MARCHF1: variants seen among roughly 807,000 people sequenced by gnomAD.
MARCHF1 encodes the protein membrane associated ring-CH-type finger 1.
In MARCHF1, 40 loss-of-function variants were observed where a neutral mutation model predicts 54.2. The observed-to-expected ratio is 0.74, with a 90% confidence interval of 0.57 to 0.96. The LOEUF is 0.96. MARCHF1 is among the 40% of genes least tolerant of loss of function. The pLI is 0.00. For synonymous variants in MARCHF1, 236 were observed against 236.3 expected, an observed-to-expected ratio of 1.00 and a Z score of 0.01; for missense variants, 586 against 656.5, an observed-to-expected ratio of 0.89 and a Z score of 1.17.
At chr4:163,655,250 C>T (rs990930859) in intron 5 of MARCHF1, among the ~76,000 whole-genome samples, 8 of 151,518 alleles carry the variant, frequency 5.3e-5, no homozygotes, top group African/African-American at 1.9e-4. Context: ...TATTTCATGA[C>T]ATTTCGTACT....
rs543277709 is a variant in MARCHF1, at chr4:163,697,981, T to C, written c.162+2832A>G. ...AGCACTTGCTCGAAGCCATCACTGA[T>C]AGAAAAATATTAAGAACCCCATAAT... On this transcript the variant is annotated intron_variant, in intron 5 of 9. Coordinates refer to ENST00000514618, the MANE Select transcript of MARCHF1 (RefSeq NM_001394959.1). 1.8e-4 allele frequency among the ~76,000 whole-genome samples: 28 copies of C among 152,280 alleles called. No individual in the cohort carries two copies. The East Asian group carries it at 5.2e-3, about 28-fold the overall frequency.
At chr4:163,568,857 C>A (rs985545724) in intron 8 of MARCHF1, among the ~76,000 whole-genome samples, 4 of 152,086 alleles carry the variant, frequency 2.6e-5, no homozygotes, top group African/African-American at 7.2e-5. Context: ...AAGAATCCCA[C>A]AATGAACTGC....
chr4:163,742,658 T>TG (rs5863622), intron 4 of MARCHF1, among the ~76,000 whole-genome samples: 8 of 151,580 alleles, frequency 5.3e-5, no homozygotes, highest in Non-Finnish European at 1.2e-4. Flanking sequence ...TTTTATTTTT[T>TG]GTAGAGACAG....
chr4:164,012,939 G>A (rs1753454786), intron 2 of MARCHF1, among the ~76,000 whole-genome samples: 1 of 152,136 alleles, frequency 6.6e-6, no homozygotes, highest in Non-Finnish European at 1.5e-5. Flanking sequence ...AACAAGCCCA[G>A]ACTGTGAAGA....
At chr4:163,948,688 C>G (rs370370509) in intron 3 of MARCHF1, among the ~76,000 whole-genome samples, 1 of 103,408 alleles carries the variant, frequency 9.7e-6, no homozygotes, top group African/African-American at 3.1e-5. Context: ...GGAGTAAAGA[C>G]AAGAAGAAAA....
chr4:164,231,359 TA>T (rs750884608), intron 1 of MARCHF1, among the ~76,000 whole-genome samples: 5 of 152,278 alleles, frequency 3.3e-5, no homozygotes, highest in East Asian at 1.9e-4. Flanking sequence ...ATGGCCAATT[TA>T]TTTTTTTATG....
chr4:163,540,759 C>T (rs576515092), intron 9 of MARCHF1, among the ~76,000 whole-genome samples: 1 of 152,316 alleles, frequency 6.6e-6, no homozygotes, highest in African/African-American at 2.4e-5. Flanking sequence ...CGGTGGCTCA[C>T]GCCTGGAATC....
chr4:164,130,303 A>T (rs1461902366), intron 1 of MARCHF1, among the ~76,000 whole-genome samples: 1 of 152,152 alleles, frequency 6.6e-6, no homozygotes, highest in Non-Finnish European at 1.5e-5. Context: ...AAATGGTTTT[A>T]AAAATGTGGA....
At chr4:163,654,881 G>A (rs751304809) in intron 5 of MARCHF1, among the ~76,000 whole-genome samples, 3 of 151,576 alleles carry the variant, frequency 2.0e-5, no homozygotes, top group Non-Finnish European at 3.0e-5. Flanking sequence ...TACATAAACT[G>A]TGATTAGTCA....
chr4:164,211,331 G>GTATA (rs10604337), intron 1 of MARCHF1, among the ~76,000 whole-genome samples: 2,419 of 115,948 alleles, frequency 0.021, 78 homozygotes, highest in African/African-American at 0.062. Flanking sequence ...ATGTATGTAT[G>GTATA]TATATATATA....
intron 4 of MARCHF1, among the ~76,000 whole-genome samples, chr4:163,734,726 C>T (rs1489105101): frequency 6.6e-6 from 1 of 151,984 alleles, no homozygotes; most frequent in Non-Finnish European, 1.5e-5. Context: ...AGGAAAGTTT[C>T]TAGGGGAAGA....
chr4:164,254,599 G>A (rs532901120), intron 1 of MARCHF1, among the ~76,000 whole-genome samples: 3 of 151,918 alleles, frequency 2.0e-5, no homozygotes, highest in Non-Finnish European at 4.4e-5. Context: ...TAAGTATTAA[G>A]TTGTATGATT....
At chr4:164,068,071 C>A (rs1206109859) in intron 2 of MARCHF1, among the ~76,000 whole-genome samples, 1 of 152,156 alleles carries the variant, frequency 6.6e-6, no homozygotes, top group African/African-American at 2.4e-5. Context: ...AAAAAAATAA[C>A]AGATGCTAGT....
chr4:163,629,770 G>T (rs752568792), intron 5 of MARCHF1, among the ~76,000 whole-genome samples: 1 of 152,132 alleles, frequency 6.6e-6, no homozygotes, highest in Non-Finnish European at 1.5e-5. Context: ...ACCGTGGCAC[G>T]TGTATAGCTA....
chr4:163,611,030 C>T (rs1741322537), intron 7 of MARCHF1, among the ~76,000 whole-genome samples: 1 of 152,026 alleles, frequency 6.6e-6, no homozygotes, highest in Admixed American at 6.6e-5. Flanking sequence ...TCATCTCCCA[C>T]AATAGGTGAA....
intron 2 of MARCHF1, among the ~76,000 whole-genome samples, chr4:164,062,476 A>G (rs2111070943): frequency 6.6e-6 from 1 of 152,172 alleles, no homozygotes; most frequent in Admixed American, 6.6e-5. Flanking sequence ...CAGAGAAATC[A>G]CTATATATGG....
intron 7 of MARCHF1, among the ~76,000 whole-genome samples, chr4:163,593,942 G>A (rs1461148566): frequency 6.6e-6 from 1 of 152,026 alleles, no homozygotes; most frequent in Non-Finnish European, 1.5e-5. Context: ...GTTTTATAAG[G>A]TCCTATGGTA....
At chr4:163,699,095 T>C (rs1241444803) in intron 5 of MARCHF1, among the ~76,000 whole-genome samples, 2 of 152,192 alleles carry the variant, frequency 1.3e-5, no homozygotes, top group Non-Finnish European at 2.9e-5. Context: ...AGATCCTTAC[T>C]CTCCAGAGTT....
chr4:164,039,682 T>TA (rs556768376), intron 2 of MARCHF1, among the ~76,000 whole-genome samples: 1,552 of 150,550 alleles, frequency 0.01, 18 homozygotes, highest in African/African-American at 0.033. Flanking sequence ...CACATACAGA[T>TA]AAAAAAAAAG....
Sources: gnomAD v4.1 joint callset for allele counts (sites outside exome capture counted in the v4.1 genomes callset) on GRCh38, gnomAD v4.1.1 for gene constraint, MANE v1.5 for transcripts, NCBI Gene and HGNC (gene_info 2026-07-23, HGNC 2026-07-21) for gene names.